BRINP2: variants seen among roughly 807,000 people sequenced by gnomAD.
BRINP2 encodes the protein BMP/retinoic acid-inducible neural-specific protein 2.
BRINP2 carries 21 observed loss-of-function variants against 69.2 expected under a neutral mutation model. That is an observed-to-expected ratio of 0.30 (90% CI 0.22 to 0.44). BRINP2 has a LOEUF of 0.44. BRINP2 is among the 20% of genes least tolerant of loss of function. The pLI is 1.00. For missense variants in BRINP2, 877 were observed against 986.0 expected, an observed-to-expected ratio of 0.89 and a Z score of 1.48; for synonymous variants, 380 against 394.1, an observed-to-expected ratio of 0.96 and a Z score of 0.42.
chr1:177,277,472 G>A (rs575324886), intron 6 of BRINP2, among the ~76,000 whole-genome samples: 1 of 151,562 alleles, frequency 6.6e-6, no homozygotes, highest in South Asian at 2.1e-4. Flanking sequence ...CAGACACATG[G>A]GATTTGTCTT....
At chr1:177,180,432 T>A (rs1648211463) in intron 1 of BRINP2, among the ~76,000 whole-genome samples, 1 of 152,208 alleles carries the variant, frequency 6.6e-6, no homozygotes, top group African/African-American at 2.4e-5. Flanking sequence ...AAAATGGATA[T>A]TACACCTTAT....
At chr1:177,250,508 G>A (rs1325988205) in intron 2 of BRINP2, among the ~76,000 whole-genome samples, 2 of 152,104 alleles carry the variant, frequency 1.3e-5, no homozygotes, top group African/African-American at 4.8e-5. Context: ...TGTATTTTTA[G>A]TAGAGAACAG....
At chr1:177,191,560 T>C (rs536465090) in intron 1 of BRINP2, among the ~76,000 whole-genome samples, 9 of 152,360 alleles carry the variant, frequency 5.9e-5, no homozygotes, top group African/African-American at 2.2e-4. Flanking sequence ...GATCAAGCGA[T>C]TCTCCTGCCT....
At chr1:177,239,845 C>A (rs1650140069) in intron 2 of BRINP2, among the ~76,000 whole-genome samples, 1 of 152,166 alleles carries the variant, frequency 6.6e-6, no homozygotes, top group Admixed American at 6.5e-5. Flanking sequence ...GGGGAAGATG[C>A]AGGAATCTGG....
chr1:177,181,450 C>T (rs1295415886), intron 1 of BRINP2, among the ~76,000 whole-genome samples: 1 of 152,196 alleles, frequency 6.6e-6, no homozygotes, highest in Non-Finnish European at 1.5e-5. Context: ...CCGGTTCATG[C>T]CCCATCCCCA....
chr1:177,229,966 G>T lies in BRINP2; in HGVS notation c.90G>T (p.Trp30Cys). Residue 30 changes from tryptophan (W) to cysteine (C), a missense_variant, in exon 2 of 8, where the codon TGG becomes TGT. Transcript: ENST00000361539. ...TGCTGGCACTGGGCCTGCCTGGCTG[G>T]GTGTTGGCTGTCTCAGCCACGGCGG... ...TALLALGLPG[W>C]VLAVSATAAA... The T allele has an allele frequency of 1.9e-6, 3 of 1,613,556 alleles. No individual in the cohort carries two copies. The highest frequency in any genetic ancestry group is 2.5e-6 in the Non-Finnish European group (3 of 1,179,878).
intron 2 of BRINP2, among the ~76,000 whole-genome samples, chr1:177,253,407 G>T (rs1340736741): frequency 6.6e-6 from 1 of 151,890 alleles, no homozygotes; most frequent in African/African-American, 2.4e-5. Context: ...TTGCTATTAA[G>T]TTATTTGAGT....
In BRINP2 at chr1:177,278,763, C is replaced by A; in HGVS notation, c.1213C>A (p.Arg405Ser). 1 of 1,614,068 alleles carries A rather than the reference C, an allele frequency of 6.2e-7. No individual in the cohort carries two copies. Among genetic ancestry groups the A allele is most frequent in the Non-Finnish European group, 8.5e-7 (1 of 1,180,040 alleles). Residue 405 changes from arginine (R) to serine (S), a missense_variant, in exon 7 of 8, where the codon CGC (arginine) becomes AGC (serine). Around this residue, in one of 3 missense-constraint regions of BRINP2, gnomAD observed 566 missense variants for 625.2 expected, o/e 0.91. Coordinates refer to ENST00000361539, the MANE Select transcript of BRINP2 (RefSeq NM_021165.4). ...NLCKRCHRQP[R>S]FRLPKERSLS... ...CTGCAAGCGCTGCCATCGCCAGCCT[C>A]GCTTCCGCCTGCCCAAGGAGAGGTG...
chr1:177,211,910 A>C (rs1649231201), intron 1 of BRINP2, among the ~76,000 whole-genome samples: 1 of 152,194 alleles, frequency 6.6e-6, no homozygotes, highest in Non-Finnish European at 1.5e-5. Context: ...CACTGTGATG[A>C]TTGCTAAATA....
At chr1:177,278,410 A>T (rs1558188200) in intron 6 of BRINP2, among the ~76,000 whole-genome samples, 153 bp from the exon 7 acceptor site, 1 of 152,074 alleles carries the variant, frequency 6.6e-6, no homozygotes, top group Non-Finnish European at 1.5e-5. Context: ...AAAGGTGTTG[A>T]TTTTTTTAAA....
At chr1:177,269,194 A>T (rs1033987995) in intron 4 of BRINP2, among the ~76,000 whole-genome samples, 3 of 152,190 alleles carry the variant, frequency 2.0e-5, no homozygotes, top group African/African-American at 7.2e-5. Context: ...TAGGGCTGCC[A>T]TCCCTTCTGA....
chr1:177,239,563 A>G (rs1650131832), intron 2 of BRINP2, among the ~76,000 whole-genome samples: 1 of 152,180 alleles, frequency 6.6e-6, no homozygotes, highest in Admixed American at 6.5e-5. Flanking sequence ...TCCACTTGGA[A>G]ATGTCTTATA....
intron 1 of BRINP2, among the ~76,000 whole-genome samples, chr1:177,215,636 C>T (rs1390662937): frequency 1.3e-5 from 2 of 152,138 alleles, no homozygotes; most frequent in Non-Finnish European, 2.9e-5. Context: ...CATTAGCAAA[C>T]AGTGACAATT....
intron 7 of BRINP2, among the ~76,000 whole-genome samples, chr1:177,279,986 AG>A (rs1651639381): frequency 6.6e-6 from 1 of 152,190 alleles, no homozygotes; most frequent in East Asian, 1.9e-4. Flanking sequence ...GAGGAGTGAG[AG>A]GAGCAGAGAG....
Position 177,247,194 on chromosome 1 carries a change from G to A in BRINP2, c.270-8725G>A, listed in dbSNP as rs184313054. ...ATGTGAGGTATATTGGTAGAAAGAT[G>A]AAGAAAGAGAAGACTTCCTGTGTCT... On this transcript the variant is annotated intron_variant, in intron 2 of 7. Coordinates refer to ENST00000361539, the MANE Select transcript of BRINP2 (RefSeq NM_021165.4). Among the ~76,000 whole-genome samples the A allele has an allele frequency of 4.1e-3, 620 of 152,324 alleles. 4 individuals are homozygous for A. The highest frequency in any genetic ancestry group is 0.014 in the African/African-American group (596 of 41,576).
chr1:177,277,974 G>C, intron 6 of BRINP2, among the ~76,000 whole-genome samples: 1 of 152,168 alleles, frequency 6.6e-6, no homozygotes, highest in East Asian at 1.9e-4. Flanking sequence ...GGGCAGAATG[G>C]ATATCTGTCC....
chr1:177,203,164 C>T (rs1256067688), intron 1 of BRINP2, among the ~76,000 whole-genome samples: 1 of 152,176 alleles, frequency 6.6e-6, no homozygotes. Flanking sequence ...ATGATGAGTT[C>T]ATGTCCTTTG....
chr1:177,275,279 T>C (rs947229237), intron 5 of BRINP2: 9 of 455,990 alleles, frequency 2.0e-5, no homozygotes, highest in African/African-American at 1.6e-4. Context: ...GTGAGAAAAC[T>C]GAAGCTCAGA....
intron 1 of BRINP2, among the ~76,000 whole-genome samples, chr1:177,173,673 G>T (rs1648006517): frequency 6.6e-6 from 1 of 152,186 alleles, no homozygotes; most frequent in African/African-American, 2.4e-5. Context: ...CTCCTGACAG[G>T]TTGTTTACTG....
Sources: gnomAD v4.1 joint callset for allele counts (sites outside exome capture counted in the v4.1 genomes callset) on GRCh38, gnomAD v4.1.1 for gene constraint, gnomAD v4.1.1 regional missense constraint, MANE v1.5 for transcripts, NCBI Gene and HGNC (gene_info 2026-07-23, HGNC 2026-07-21) for gene names.